PTCHD4: variants seen among roughly 807,000 people sequenced by gnomAD.
PTCHD4 encodes patched domain containing 4, also known as patched domain-containing protein 4.
Under a neutral mutation model 58.1 loss-of-function variants are expected in PTCHD4, and 33 were observed. That is an observed-to-expected ratio of 0.57 (90% CI 0.43 to 0.76). The LOEUF (loss-of-function observed/expected upper bound fraction) is 0.76. Ranked by LOEUF, PTCHD4 falls within the 30% of genes least tolerant of loss-of-function variation. The probability of loss-of-function intolerance (pLI) is 0.00; values close to 1 mark genes in which losing one functional copy is unlikely to be tolerated. For synonymous variants in PTCHD4, 478 were observed against 409.6 expected (o/e 1.17, Z -2.02); for missense variants, 1,058 against 1,027.1 (o/e 1.03, Z -0.41).
intron 3 of PTCHD4, among the ~76,000 whole-genome samples, chr6:48,010,862 G>A (rs1006601714): frequency 6.6e-6 from 1 of 152,096 alleles, no homozygotes; most frequent in Non-Finnish European, 1.5e-5. Context: ...TCCTGTGTTA[G>A]TTTGCTGAGA....
intron 4 of PTCHD4, among the ~76,000 whole-genome samples, chr6:47,907,792 T>C (rs1203595173): frequency 9.2e-5 from 14 of 152,080 alleles, no homozygotes; most frequent in Admixed American, 9.2e-4. Flanking sequence ...GACTTCCAAT[T>C]CCACCTGTGG....
intron 1 of PTCHD4, among the ~76,000 whole-genome samples, chr6:48,097,044 A>G (rs1765485209): frequency 6.6e-6 from 1 of 152,148 alleles, no homozygotes; most frequent in Admixed American, 6.5e-5. Flanking sequence ...TTAAGTAATA[A>G]TTATATTTCT....
At chr6:48,020,042 T>C (rs532039267) in intron 3 of PTCHD4, among the ~76,000 whole-genome samples, 5 of 152,078 alleles carry the variant, frequency 3.3e-5, no homozygotes, top group Non-Finnish European at 7.4e-5. Context: ...GAATATATAA[T>C]GAAGGAGGGT....
At chr6:47,897,909 T>C (rs1764572990) in intron 4 of PTCHD4, among the ~76,000 whole-genome samples, 1 of 151,782 alleles carries the variant, frequency 6.6e-6, no homozygotes, top group African/African-American at 2.4e-5. Flanking sequence ...CTATATCTGT[T>C]ATCATTTCAT....
rs1273563785 is a variant in PTCHD4 at position 48,069,360 on chromosome 6, C to A, written c.-403G>T. 6.6e-6 allele frequency among the ~76,000 whole-genome samples: 1 copy of A among 152,118 alleles called. No homozygotes were observed. The highest frequency in any genetic ancestry group is 1.5e-5 in the Non-Finnish European group (1 of 68,020). Reference sequence around the variant, plus strand: ...GGCAATTAGAGCCCAAGGAGTGGGGCATGGAGGGAGACAGCCCCAGGGCTC... The same window carrying A: ...GGCAATTAGAGCCCAAGGAGTGGGGAATGGAGGGAGACAGCCCCAGGGCTC... On this transcript the variant is annotated 5_prime_UTR_variant, in exon 2 of 5. The change abolishes an upstream ATG in the 5' untranslated region. Transcript: ENST00000339488.
At chr6:48,002,597 TG>T (rs1261039907) in intron 4 of PTCHD4, among the ~76,000 whole-genome samples, 1 of 120,958 alleles carries the variant, frequency 8.3e-6, no homozygotes, top group Non-Finnish European at 1.7e-5. Context: ...TATCACACAC[TG>T]GGGCCTGTTG....
intron 4 of PTCHD4, among the ~76,000 whole-genome samples, chr6:47,898,745 G>A (rs150773285): frequency 1.3e-5 from 2 of 152,250 alleles, no homozygotes; most frequent in African/African-American, 2.4e-5. Context: ...AGAGAGACAC[G>A]AATCCCTTGC....
intron 1 of PTCHD4, among the ~76,000 whole-genome samples, chr6:48,103,689 T>G (rs538854183): frequency 6.8e-6 from 1 of 147,628 alleles, no homozygotes; most frequent in Non-Finnish European, 1.5e-5. Context: ...GGCAAAGAAG[T>G]TAAAAACTTT....
intron 1 of PTCHD4, among the ~76,000 whole-genome samples, chr6:48,070,745 T>C (rs1332912588): frequency 6.6e-6 from 1 of 152,190 alleles, no homozygotes; most frequent in Non-Finnish European, 1.5e-5. Flanking sequence ...TAGACTAGTC[T>C]TTCCTCTCCT....
intron 4 of PTCHD4, among the ~76,000 whole-genome samples, chr6:47,966,672 T>C (rs1284861493): frequency 1.3e-5 from 2 of 152,240 alleles, no homozygotes; most frequent in African/African-American, 4.8e-5. Flanking sequence ...TCTAAATCCT[T>C]TGTTGTCATT....
chr6:48,066,620 C>T (rs1284438694), intron 3 of PTCHD4, among the ~76,000 whole-genome samples: 1 of 152,158 alleles, frequency 6.6e-6, no homozygotes, highest in African/African-American at 2.4e-5. Context: ...GAAAAGCATG[C>T]TGCCTAACCA....
Position 47,868,290 on chromosome 6 carries a change from C to T in PTCHD4, c.*10013G>A, listed in dbSNP as rs115652575. ...AGATGTGTATAGCTCTAGGTTGTAG[C>T]ATTTCAACTTATAGGAAAGGACAGT... On this transcript the variant is annotated 3_prime_UTR_variant, in exon 5 of 5. Coordinates refer to ENST00000339488, the MANE Select transcript of PTCHD4 (RefSeq NM_001384253.1). Among the ~76,000 whole-genome samples the T allele has an allele frequency of 0.037, 5,645 of 151,604 alleles. 160 individuals are homozygous for T. The highest frequency in any genetic ancestry group is 0.048 in the Non-Finnish European group (3,242 of 67,740).
At chr6:47,886,846 G>T (rs1020458549) in intron 4 of PTCHD4, among the ~76,000 whole-genome samples, 1 of 152,058 alleles carries the variant, frequency 6.6e-6, no homozygotes, top group Non-Finnish European at 1.5e-5. Flanking sequence ...TCGAACATGC[G>T]TGATCTCTAA....
chr6:48,009,062 G>A lies in PTCHD4; in HGVS notation c.470C>T (p.Pro157Leu), dbSNP rs1188787578. Residue 157 changes from proline (P) to leucine (L), a missense_variant, in exon 4 of 5, where the codon CCA becomes CTA. Coordinates refer to ENST00000339488, the MANE Select transcript of PTCHD4 (RefSeq NM_001384253.1). ...GHQLGGVVEV[P>L]NSKDQRVKSA... Reference sequence around the variant, plus strand: ...CTTGACCCGCTGATCTTTGCTGTTTGGCACTTCCACTACCCCGCCCAGTTG... The same window carrying A: ...CTTGACCCGCTGATCTTTGCTGTTTAGCACTTCCACTACCCCGCCCAGTTG... The A allele has an allele frequency of 6.2e-7, 1 of 1,613,782 alleles. No individual in the cohort carries two copies. The highest frequency in any genetic ancestry group is 8.5e-7 in the Non-Finnish European group (1 of 1,179,834).
intron 4 of PTCHD4, among the ~76,000 whole-genome samples, chr6:47,937,235 A>T (rs1172828698): frequency 6.6e-6 from 1 of 152,162 alleles, no homozygotes; most frequent in Admixed American, 6.5e-5. Context: ...TCAATAATAA[A>T]CTGTAACAGG....
At chr6:48,073,673 G>A (rs1888622) in intron 1 of PTCHD4, among the ~76,000 whole-genome samples, 24,530 of 152,110 alleles carry the variant, frequency 0.16, 2,037 homozygotes, top group African/African-American at 0.22. Flanking sequence ...TCCACCTTCC[G>A]CTGATGACTT....
chr6:48,075,924 G>A lies in PTCHD4; in HGVS notation c.-969-5998C>T, dbSNP rs550262803. 9.9e-5 allele frequency among the ~76,000 whole-genome samples: 15 copies of A among 152,230 alleles called. No homozygotes were observed. The South Asian group carries it at 2.5e-3, about 25-fold the overall frequency. On this transcript the variant is annotated intron_variant, in intron 1 of 4. Coordinates refer to ENST00000339488, the MANE Select transcript of PTCHD4 (RefSeq NM_001384253.1). The stretch of plus-strand genomic sequence containing the variant: ...TTTCTTAAAATAAGACAACAATGAC[G>A]TTTGCCACATCTCTTGACTTTTCCT...
chr6:47,934,789 A>G (rs2113912589), intron 4 of PTCHD4, among the ~76,000 whole-genome samples: 1 of 152,306 alleles, frequency 6.6e-6, no homozygotes, highest in East Asian at 1.9e-4. Flanking sequence ...TCTCTTGGTG[A>G]GAAATATTTG....
Position 47,866,953 on chromosome 6 carries a change from A to G in PTCHD4, c.*11350T>C, listed in dbSNP as rs1763581923. 6.6e-6 allele frequency among the ~76,000 whole-genome samples: 1 copy of G among 151,862 alleles called. No homozygotes were observed. The highest frequency in any genetic ancestry group is 1.5e-5 in the Non-Finnish European group (1 of 67,858). ...AATCTATGCAGTTATTTTTCATCAC[A>G]TATAATTTACATTTGGACTTCTCTG... On this transcript the variant is annotated 3_prime_UTR_variant, in exon 5 of 5. Transcript: ENST00000339488.
Sources: allele counts gnomAD v4.1 joint callset (sites outside exome capture counted in the v4.1 genomes callset), GRCh38; gene constraint gnomAD v4.1.1; transcripts MANE v1.5; gene names NCBI Gene and HGNC (gene_info 2026-07-23, HGNC 2026-07-21).